The following CSTPP1 variants were observed in gnomAD, a reference collection of about 807,000 sequenced individuals.
CSTPP1 encodes UPF0705 protein C11orf49.
At chr11:47,004,779 A>G in the CSTPP1 span, among the ~76,000 whole-genome samples, 3 of 152,204 alleles carry the variant, frequency 2.0e-5, no homozygotes, top group Non-Finnish European at 4.4e-5. Flanking sequence ...CTAGCAGTAC[A>G]GTGATGGGCT....
chr11:46,985,948 A>G, the CSTPP1 span, among the ~76,000 whole-genome samples: 1 of 152,146 alleles, frequency 6.6e-6, no homozygotes, highest in South Asian at 2.1e-4. Flanking sequence ...TGATTCTTAA[A>G]CTTAAGAGTA....
At chr11:47,025,684 G>C in the CSTPP1 span, among the ~76,000 whole-genome samples, 428 of 152,224 alleles carry the variant, frequency 2.8e-3, 1 homozygote, top group African/African-American at 9.7e-3. Context: ...TTAGTTTTCA[G>C]TGAAATCTAC....
the CSTPP1 span, among the ~76,000 whole-genome samples, chr11:47,134,802 A>T: frequency 6.6e-6 from 1 of 152,154 alleles, no homozygotes; most frequent in Non-Finnish European, 1.5e-5. Context: ...CCCAACAGAG[A>T]ACTTTCAAGG....
At chr11:46,989,980 T>C in the CSTPP1 span, among the ~76,000 whole-genome samples, 1 of 152,266 alleles carries the variant, frequency 6.6e-6, no homozygotes, top group Non-Finnish European at 1.5e-5. Context: ...CATGATTTCA[T>C]TCTTTTTTAT....
the CSTPP1 span, among the ~76,000 whole-genome samples, chr11:47,133,510 G>A: frequency 6.6e-6 from 1 of 152,214 alleles, no homozygotes; most frequent in Non-Finnish European, 1.5e-5. Context: ...AGAGACCACG[G>A]TGTGGCCACC....
At chr11:47,043,177 C>T in the CSTPP1 span, among the ~76,000 whole-genome samples, 23 of 152,068 alleles carry the variant, frequency 1.5e-4, no homozygotes, top group South Asian at 2.1e-4. Flanking sequence ...GGAGCTAGCC[C>T]CTTTTGCCTC....
chr11:47,104,779 G>T, the CSTPP1 span, among the ~76,000 whole-genome samples: 1 of 152,188 alleles, frequency 6.6e-6, no homozygotes, highest in Non-Finnish European at 1.5e-5. Context: ...GGCAGGAAGG[G>T]TTAGATCCAG....
chr11:47,086,798 A>C, the CSTPP1 span, among the ~76,000 whole-genome samples: 1 of 152,236 alleles, frequency 6.6e-6, no homozygotes, highest in Non-Finnish European at 1.5e-5. Context: ...AAAAGCAGTG[A>C]TAACTGTGAA....
chr11:46,959,175 A>G, the CSTPP1 span, among the ~76,000 whole-genome samples: 7 of 150,540 alleles, frequency 4.6e-5, no homozygotes, highest in African/African-American at 1.7e-4. Flanking sequence ...TTAATTGTAG[A>G]GTTTCTTTTT....
chr11:47,037,732 G>A, the CSTPP1 span, among the ~76,000 whole-genome samples: 100 of 126,228 alleles, frequency 7.9e-4, 29 homozygotes, highest in Non-Finnish European at 1.6e-3. Flanking sequence ...GGATCCCAAG[G>A]CAGAAGAATT....
At chr11:47,114,504 C>T in the CSTPP1 span, among the ~76,000 whole-genome samples, 18 of 152,116 alleles carry the variant, frequency 1.2e-4, no homozygotes, top group African/African-American at 4.3e-4. Context: ...TCTTTTATTT[C>T]GTTGAGCAGT....
At chr11:47,016,984 A>C in the CSTPP1 span, among the ~76,000 whole-genome samples, 1 of 149,098 alleles carries the variant, frequency 6.7e-6, no homozygotes, top group African/African-American at 2.5e-5. Context: ...CTGGAACTAC[A>C]GGCGCCCACC....
At chr11:47,064,918 A>T in the CSTPP1 span, among the ~76,000 whole-genome samples, 2 of 151,976 alleles carry the variant, frequency 1.3e-5, no homozygotes, top group Non-Finnish European at 2.9e-5. Context: ...TAATTTTTGT[A>T]TTTTTAGTAG....
At chr11:47,024,303 A>G in the CSTPP1 span, among the ~76,000 whole-genome samples, 14 of 151,864 alleles carry the variant, frequency 9.2e-5, no homozygotes, top group African/African-American at 3.1e-4. Flanking sequence ...GGCTCAAGCA[A>G]TCCTCTTGCC....
the CSTPP1 span, among the ~76,000 whole-genome samples, chr11:47,051,760 C>T: frequency 1.4e-5 from 2 of 147,340 alleles, no homozygotes; most frequent in Non-Finnish European, 3.0e-5. Flanking sequence ...GGCATGATCT[C>T]GGCTCACTGC....
the CSTPP1 span, among the ~76,000 whole-genome samples, chr11:47,132,974 G>A: frequency 3.9e-5 from 6 of 152,254 alleles, no homozygotes; most frequent in Admixed American, 1.3e-4. Context: ...TGGCCCTTAC[G>A]ATGGGTCAGA....
chr11:47,113,495 C>A, the CSTPP1 span, among the ~76,000 whole-genome samples: 6 of 152,236 alleles, frequency 3.9e-5, no homozygotes, highest in African/African-American at 1.4e-4. Context: ...ATTCCTCCAC[C>A]TCCTCTCCAG....
chr11:47,151,467 AAG>A, the CSTPP1 span, among the ~76,000 whole-genome samples: 19 of 151,984 alleles, frequency 1.3e-4, no homozygotes, highest in African/African-American at 4.4e-4. Context: ...TCATCAAGAA[AAG>A]AGAGGTGAAG....
the CSTPP1 span, among the ~76,000 whole-genome samples, chr11:47,042,391 G>A: frequency 1.9e-4 from 28 of 145,590 alleles, no homozygotes; most frequent in Admixed American, 6.3e-4. Context: ...CAAGCGTCAC[G>A]TCTATAACTT....
Sources: allele counts gnomAD v4.1 joint callset (sites outside exome capture counted in the v4.1 genomes callset), GRCh38; gene constraint gnomAD v4.1.1; transcripts MANE v1.5; gene names NCBI Gene and HGNC (gene_info 2026-07-23, HGNC 2026-07-21).